NELL2: variants seen among roughly 807,000 people sequenced by gnomAD.
NELL2 encodes the protein neural EGFL like 2.
In NELL2, 41 loss-of-function variants were observed where a neutral mutation model predicts 109.6. That is an observed-to-expected ratio of 0.37 (90% CI 0.29 to 0.49). NELL2 has a LOEUF of 0.49. Among genes scored for constraint, NELL2 ranks in the 20% least tolerant of loss-of-function variants. NELL2 has a pLI of 0.98. For missense variants in NELL2, 900 were observed against 1,008.3 expected (o/e 0.89, Z 1.45); for synonymous variants, 355 against 344.7 (o/e 1.03, Z -0.33).
At chr12:44,543,661 A>C (rs1942671874) in intron 15 of NELL2, among the ~76,000 whole-genome samples, 1 of 152,172 alleles carries the variant, frequency 6.6e-6, no homozygotes, top group African/African-American at 2.4e-5. Context: ...CAATGAGTGG[A>C]ATGTCTAAAT....
intron 13 of NELL2, among the ~76,000 whole-genome samples, chr12:44,651,260 C>T (rs1347891338): frequency 6.6e-6 from 1 of 152,200 alleles, no homozygotes; most frequent in Non-Finnish European, 1.5e-5. Flanking sequence ...TTAAGACACG[C>T]AGTCAATGGA....
At chr12:44,701,832 A>G (rs1373342390) in intron 12 of NELL2, among the ~76,000 whole-genome samples, 1 of 152,122 alleles carries the variant, frequency 6.6e-6, no homozygotes, top group Non-Finnish European at 1.5e-5. Context: ...CACTGGAGCC[A>G]GAACTATCCT....
Position 44,508,764 on chromosome 12 carries a change from C to A in NELL2, c.*170G>T. 1.6e-6 allele frequency: 1 copy of A among 626,838 alleles called. No homozygotes were observed. Among genetic ancestry groups the A allele is most frequent in the Admixed American group, 3.0e-5 (1 of 33,134 alleles). The allele number at this position is 626,838 out of a possible 1,614,324, so 38.8% of individuals were successfully genotyped here. ...GTCTAATTTTGCCCCAGTAATTTTC[C>A]TTTTGTGATTTTGTCAAGCTCCACA... On this transcript the variant is annotated 3_prime_UTR_variant, in exon 20 of 20. Coordinates refer to ENST00000429094, the MANE Select transcript of NELL2 (RefSeq NM_001145108.2).
At chr12:44,610,224 G>A (rs1592202329) in intron 14 of NELL2, among the ~76,000 whole-genome samples, 2 of 145,490 alleles carry the variant, frequency 1.4e-5, no homozygotes, top group Non-Finnish European at 3.0e-5. Context: ...AGTAGCCTCC[G>A]ACAGCTCACA....
chr12:44,806,469 A>G (rs1944729418), intron 3 of NELL2, among the ~76,000 whole-genome samples: 1 of 151,904 alleles, frequency 6.6e-6, no homozygotes, highest in Admixed American at 6.6e-5. Context: ...TATTTCATAA[A>G]TATTCACCTA....
intron 12 of NELL2, among the ~76,000 whole-genome samples, chr12:44,692,706 T>G (rs553020053): frequency 6.6e-5 from 10 of 152,232 alleles, no homozygotes; most frequent in African/African-American, 1.9e-4. Flanking sequence ...CCAGCCCTCA[T>G]AGATGACTTT....
intron 2 of NELL2, among the ~76,000 whole-genome samples, chr12:44,845,551 G>A (rs1184985258): frequency 6.6e-6 from 1 of 152,216 alleles, no homozygotes; most frequent in East Asian, 1.9e-4. Context: ...TGGACTGGAT[G>A]TTTCCATGAC....
upstream of NELL2, among the ~76,000 whole-genome samples, chr12:44,915,770 T>C (rs983862624): frequency 6.6e-6 from 1 of 152,042 alleles, no homozygotes; most frequent in Non-Finnish European, 1.5e-5. Context: ...CATCTGCATT[T>C]TGTAGGAAGA....
Position 44,663,735 on chromosome 12 carries a change from G to A in NELL2, c.1444+1749C>T, listed in dbSNP as rs547002351. 7.2e-5 allele frequency among the ~76,000 whole-genome samples: 11 copies of A among 152,306 alleles called. No homozygotes were observed. In the South Asian group the frequency reaches 2.3e-3, roughly 32 times the overall value. On this transcript the variant is annotated intron_variant, in intron 13 of 19. Transcript: ENST00000429094. ...GAAGACTCTCTGTAAATGTATGAAA[G>A]CTAAACTATTCCTTGGATTTATATC...
intron 14 of NELL2, among the ~76,000 whole-genome samples, chr12:44,608,680 T>C (rs1205547708): frequency 6.6e-6 from 1 of 151,778 alleles, no homozygotes; most frequent in Non-Finnish European, 1.5e-5. Context: ...TTCTTCATAC[T>C]ACATAGGAAT....
At chr12:44,609,350 T>C (rs1431482743) in intron 14 of NELL2, among the ~76,000 whole-genome samples, 2 of 152,044 alleles carry the variant, frequency 1.3e-5, no homozygotes, top group Admixed American at 6.6e-5. Context: ...TTGTAGACAG[T>C]GTGGACACAC....
Position 44,586,739 on chromosome 12 carries a change from C to T in NELL2, c.1663+20430G>A, listed in dbSNP as rs11182544. Among the ~76,000 whole-genome samples, 893 of 152,186 alleles carry T rather than the reference C, an allele frequency of 5.9e-3. 9 individuals are homozygous for T. Among genetic ancestry groups the T allele is most frequent in the African/African-American group, 0.021 (852 of 41,518 alleles). The stretch of plus-strand genomic sequence containing the variant: ...TAGTTAGCTTTTTTCCCATTTAGTT[C>T]TATAGCATATTAGCGTTTAAATTAT... On this transcript the variant is annotated intron_variant, in intron 15 of 19. Transcript: ENST00000429094.
chr12:44,566,942 G>T (rs1316851860), intron 15 of NELL2, among the ~76,000 whole-genome samples: 5 of 151,926 alleles, frequency 3.3e-5, no homozygotes, highest in Non-Finnish European at 7.4e-5. Context: ...CTCCTTAGTA[G>T]CTGGGATTAC....
chr12:44,665,679 G>A, intron 12 of NELL2, 70 bp from the exon 13 acceptor site: 1 of 1,455,204 alleles, frequency 6.9e-7, no homozygotes, highest in African/African-American at 1.4e-5. Flanking sequence ...AATTTTCTTT[G>A]GTAGGGAGAG....
At chr12:44,675,537 C>G (rs1948278781) in intron 12 of NELL2, among the ~76,000 whole-genome samples, 1 of 152,044 alleles carries the variant, frequency 6.6e-6, no homozygotes, top group South Asian at 2.1e-4. Context: ...TCCCTTTTAT[C>G]CTATTTGAAA....
chr12:44,878,682 C>G (rs1198128386), upstream of NELL2, among the ~76,000 whole-genome samples: 1 of 151,956 alleles, frequency 6.6e-6, no homozygotes, highest in African/African-American at 2.4e-5. Flanking sequence ...ACCTAGAGTC[C>G]ATACATTACC....
chr12:44,732,642 G>C (rs1163402057), intron 9 of NELL2, among the ~76,000 whole-genome samples: 1 of 151,932 alleles, frequency 6.6e-6, no homozygotes, highest in Admixed American at 6.6e-5. Context: ...TATTGGTCTT[G>C]GCAATAATTT....
chr12:44,876,879 A>T, upstream of NELL2: 1 of 1,286,532 alleles, frequency 7.8e-7, no homozygotes, highest in Non-Finnish European at 9.9e-7. Flanking sequence ...CGAGCCTGGG[A>T]AGCCCCGGGT....
intron 9 of NELL2, among the ~76,000 whole-genome samples, chr12:44,727,588 T>C (rs1196560354): frequency 6.6e-6 from 1 of 151,828 alleles, no homozygotes; most frequent in Non-Finnish European, 1.5e-5. Context: ...AAGAGAAAAA[T>C]GAAATTCACA....
Sources: gnomAD v4.1 joint callset for allele counts (sites outside exome capture counted in the v4.1 genomes callset) on GRCh38, gnomAD v4.1.1 for gene constraint, MANE v1.5 for transcripts, NCBI Gene and HGNC (gene_info 2026-07-23, HGNC 2026-07-21) for gene names.